The following ANKHD1 variants were observed in gnomAD, a reference collection of about 807,000 sequenced individuals.
The protein encoded by ANKHD1 is ankyrin repeat and KH domain containing 1, also known as ankyrin repeat and KH domain-containing protein 1.
Under a neutral mutation model 230.5 loss-of-function variants are expected in ANKHD1, and 31 were observed. The ratio of observed to expected loss-of-function variants is 0.13; its 90% CI spans 0.10 to 0.18. ANKHD1 has a LOEUF of 0.18. ANKHD1 is among the 10% of genes least tolerant of loss of function. The pLI is 1.00. For missense variants in ANKHD1, 2,256 were observed against 3,071.3 expected (o/e 0.73, Z 6.27); for synonymous variants, 1,074 against 1,117.6 (o/e 0.96, Z 0.78).
intron 25 of ANKHD1, 78 bp downstream of exon 25, chr5:140,524,318 G>C (rs1753501472): frequency 7.0e-7 from 1 of 1,429,908 alleles, no homozygotes; most frequent in Non-Finnish European, 9.1e-7. Context: ...CTTTGCTCTA[G>C]TTAACTCTAG....
At chr5:140,475,343 AG>A (rs1750903565) in intron 10 of ANKHD1, among the ~76,000 whole-genome samples, 1 of 152,196 alleles carries the variant, frequency 6.6e-6, no homozygotes, top group African/African-American at 2.4e-5. Context: ...ATGGGGGCTG[AG>A]ATTTCAGCAT....
chr5:140,420,646 G>A (rs569459260), intron 1 of ANKHD1, among the ~76,000 whole-genome samples: 1 of 152,202 alleles, frequency 6.6e-6, no homozygotes, highest in African/African-American at 2.4e-5. Flanking sequence ...TTGACTACGT[G>A]TGAGGGTTTA....
At chr5:140,419,454 CT>C (rs144115557) in intron 1 of ANKHD1, among the ~76,000 whole-genome samples, 68 of 131,618 alleles carry the variant, frequency 5.2e-4, no homozygotes, top group Middle Eastern at 4.6e-3. Flanking sequence ...TTCTTTCTTT[CT>C]TTTTTTTTTT....
chr5:140,463,888 A>G (rs13152988), intron 9 of ANKHD1, among the ~76,000 whole-genome samples: 4,015 of 152,060 alleles, frequency 0.026, 115 homozygotes, highest in South Asian at 0.12. Context: ...GCTGGTCTCA[A>G]ACTCCTGTGC....
intron 30 of ANKHD1, 40 bp from the exon 31 acceptor site, chr5:140,537,349 A>T (rs773108923): frequency 6.2e-7 from 1 of 1,609,168 alleles, no homozygotes; most frequent in East Asian, 2.2e-5. Flanking sequence ...TGACTCTCCT[A>T]TTCCATCTGT....
chr5:140,470,000 A>G (rs1447793254), intron 10 of ANKHD1, among the ~76,000 whole-genome samples: 2 of 152,016 alleles, frequency 1.3e-5, no homozygotes, highest in African/African-American at 4.8e-5. Context: ...GTGCTTGCAT[A>G]TTTTAGAATA....
chr5:140,470,553 G>GT (rs1776414130), intron 10 of ANKHD1, among the ~76,000 whole-genome samples: 1 of 140,406 alleles, frequency 7.1e-6, no homozygotes, highest in Non-Finnish European at 1.6e-5. Flanking sequence ...CTTTTCTTCT[G>GT]CATTGTGTCT....
At chr5:140,526,838 T>G (rs1753627966) in intron 26 of ANKHD1, 90 bp from the exon 27 acceptor site, 1 of 1,449,210 alleles carries the variant, frequency 6.9e-7, no homozygotes, top group African/African-American at 1.4e-5. Context: ...TACGAATATT[T>G]CAGCGTAACT....
At position 140,449,212 on chromosome 5, in the gene ANKHD1, C is replaced by A. The variant is rs138219375; in HGVS notation, c.1149C>A (p.Gly383=). 6.2e-6 allele frequency: 10 copies of A among 1,607,444 alleles called. No homozygotes were observed. Among genetic ancestry groups the A allele is most frequent in the Non-Finnish European group, 8.5e-6 (10 of 1,176,342 alleles). ...ESALTLACYK[G]HLDMVRFLLE... is the part of the protein sequence containing the mutation. The stretch of plus-strand genomic sequence containing the variant: ...AAAATTTTTGTTCCTTTTTTCAAGG[C>A]CATTTGGATATGGTTCGCTTTCTAC... The change falls in exon 7 of 34, where the codon GGC becomes GGA. Residue 383 remains glycine (G), a splice_region_variant and synonymous_variant. Coordinates refer to ENST00000360839, the MANE Select transcript of ANKHD1 (RefSeq NM_017747.3).
chr5:140,413,376 T>C (rs1771094571), intron 1 of ANKHD1, among the ~76,000 whole-genome samples: 1 of 152,196 alleles, frequency 6.6e-6, no homozygotes, highest in Non-Finnish European at 1.5e-5. Context: ...TACATGTATG[T>C]TAAATGTACA....
At chr5:140,419,969 C>A (rs1292274128) in intron 1 of ANKHD1, among the ~76,000 whole-genome samples, 9 of 13,836 alleles carry the variant, frequency 6.5e-4, no homozygotes, top group African/African-American at 2.3e-3. Flanking sequence ...CCCTCCCCTC[C>A]CCTCCCCTCT....
intron 24 of ANKHD1, among the ~76,000 whole-genome samples, chr5:140,514,397 G>A (rs1752894328): frequency 1.3e-5 from 2 of 149,684 alleles, no homozygotes; most frequent in South Asian, 4.2e-4. Flanking sequence ...GGGAGGGTGA[G>A]GTGGGAGGAT....
intron 1 of ANKHD1, among the ~76,000 whole-genome samples, chr5:140,433,852 A>G (rs1203265696): frequency 1.3e-5 from 2 of 152,152 alleles, no homozygotes; most frequent in Non-Finnish European, 2.9e-5. Context: ...CTGTCCTTCC[A>G]ACTGGCAGGT....
chr5:140,523,460 A>C (rs544251002), intron 24 of ANKHD1, among the ~76,000 whole-genome samples: 4 of 150,594 alleles, frequency 2.7e-5, no homozygotes, highest in African/African-American at 4.9e-5. Flanking sequence ...CTGTCTTTTC[A>C]TTCGTGAGTT....
Position 140,528,176 on chromosome 5 carries a change from T to TC in ANKHD1, c.5238-5dup. On this transcript the variant is annotated splice_region_variant and splice_polypyrimidine_tract_variant and intron_variant, in intron 28 of 33. Coordinates refer to ENST00000360839, the MANE Select transcript of ANKHD1 (RefSeq NM_017747.3). Reference sequence around the variant, plus strand: ...TTGGTCTTGTTTCTGTTTTTTTTTTTCCCTTAGGGGTGGCACAGAATCAAC... The same window carrying TC: ...TTGGTCTTGTTTCTGTTTTTTTTTTTCCCCTTAGGGGTGGCACAGAATCAAC... The TC allele has an allele frequency of 1.9e-6, 3 of 1,557,548 alleles. No homozygotes were observed. Among genetic ancestry groups the TC allele is most frequent in the Non-Finnish European group, 2.6e-6 (3 of 1,158,530 alleles).
At chr5:140,445,665 T>C in intron 5 of ANKHD1, 77 bp from the exon 6 acceptor site, 4 of 1,255,086 alleles carry the variant, frequency 3.2e-6, no homozygotes, top group Non-Finnish European at 4.1e-6. Context: ...GTATATTTCT[T>C]TTTAAATCTT....
intron 1 of ANKHD1, among the ~76,000 whole-genome samples, chr5:140,416,790 T>G (rs1771434172): frequency 6.6e-6 from 1 of 151,992 alleles, no homozygotes; most frequent in Admixed American, 6.6e-5. Context: ...TAACCTGTTC[T>G]TCTTTTTTAA....
At chr5:140,426,135 A>G (rs1188197312) in intron 1 of ANKHD1, among the ~76,000 whole-genome samples, 4 of 151,972 alleles carry the variant, frequency 2.6e-5, no homozygotes, top group Non-Finnish European at 4.4e-5. Context: ...TTCTTAAGGG[A>G]GCTTCTTTTT....
At chr5:140,417,868 G>T (rs113354552) in intron 1 of ANKHD1, among the ~76,000 whole-genome samples, 1 of 123,192 alleles carries the variant, frequency 8.1e-6, no homozygotes, top group East Asian at 2.5e-4. Flanking sequence ...ACAGAGTCTC[G>T]CTCTGTCGTC....
Sources: gnomAD v4.1 joint callset for allele counts (sites outside exome capture counted in the v4.1 genomes callset) on GRCh38, gnomAD v4.1.1 for gene constraint, MANE v1.5 for transcripts, NCBI Gene and HGNC (gene_info 2026-07-23, HGNC 2026-07-21) for gene names.